Variants in PLSCR3 observed in about 807,000 individuals in gnomAD.
The protein encoded by PLSCR3 is PL scramblase 3.
In PLSCR3, 17 loss-of-function variants were observed where a neutral mutation model predicts 33.7. The observed-to-expected ratio is 0.50, with a 90% confidence interval of 0.35 to 0.76. The LOEUF is 0.76. Ranked by LOEUF, PLSCR3 falls within the 30% of genes least tolerant of loss-of-function variation. The pLI is 0.01. For synonymous variants in PLSCR3, 166 were observed against 166.0 expected (o/e 1.00, Z 0.00); for missense variants, 360 against 394.1 (o/e 0.91, Z 0.73).
chr17:7,392,560 C>T (rs1331724098), intron 6 of PLSCR3, among the ~76,000 whole-genome samples: 1 of 152,176 alleles, frequency 6.6e-6, no homozygotes, highest in African/African-American at 2.4e-5. Flanking sequence ...CATCTCAGGG[C>T]CACTTGTAAT....
chr17:7,392,222 C>T (rs1277008554), intron 6 of PLSCR3, among the ~76,000 whole-genome samples: 1 of 152,114 alleles, frequency 6.6e-6, no homozygotes, highest in African/African-American at 2.4e-5. Flanking sequence ...AAAAAGAACT[C>T]AAGGGTCTGT....
chr17:7,390,327 G>T lies in PLSCR3; in HGVS notation c.*58C>A. ...GGGGCTGCCCAGAGGAGGGGCCAGG[G>T]CAGGTGACCATCTGGAGTTCTGGTC... On this transcript the variant is annotated 3_prime_UTR_variant, in exon 8 of 8. Coordinates refer to ENST00000619711, the MANE Select transcript of PLSCR3 (RefSeq NM_020360.4). 1.5e-6 allele frequency: 2 copies of T among 1,328,066 alleles called. No homozygotes were observed. The highest frequency in any genetic ancestry group is 2.2e-5 in the Admixed American group (1 of 46,352). 82.3% of individuals were successfully genotyped at this position (1,328,066 alleles called of 1,614,324 possible).
In PLSCR3 at chr17:7,393,137, C is replaced by T. The variant is rs996545813; in HGVS notation, c.507+7G>A. 4 of 1,452,246 alleles carry T rather than the reference C, an allele frequency of 2.8e-6. No individual in the cohort carries two copies. Among genetic ancestry groups the T allele is most frequent in the South Asian group, 2.9e-5 (2 of 69,666 alleles). 90.0% of individuals were successfully genotyped at this position (1,452,246 alleles called of 1,614,324 possible). A position where few individuals can be genotyped will look rare whatever the true frequency, so the allele number is the denominator to read the frequency against. On this transcript the variant is annotated splice_region_variant and intron_variant, in intron 5 of 7. Transcript: ENST00000619711. ...GCCCGCCCTCCCGGCCCCCTCCCTC[C>T]GCCCACCTCCTGGAGGCCACAGGGG...
Position 7,391,632 on chromosome 17 carries a change from A to G in PLSCR3, c.670-837T>C, listed in dbSNP as rs1905704810. ...CCATGGTCCTAAGGGTACAGCCCCA[A>G]GTATGGACCATTTATAATTATGCAA... On this transcript the variant is annotated intron_variant, in intron 6 of 7. Coordinates refer to ENST00000619711, the MANE Select transcript of PLSCR3 (RefSeq NM_020360.4). This position sits in a 1 kb window ranked among gnomAD's most constrained non-coding sequence, Gnocchi z 4.1. 6.6e-6 allele frequency among the ~76,000 whole-genome samples: 1 copy of G among 152,216 alleles called. No homozygotes were observed. Among genetic ancestry groups the G allele is most frequent in the Non-Finnish European group, 1.5e-5 (1 of 68,040 alleles).
chr17:7,392,842 T>G lies in PLSCR3; in HGVS notation c.618A>C (p.Arg206=). 6.2e-7 allele frequency: 1 copy of G among 1,614,064 alleles called. No individual in the cohort carries two copies. Among genetic ancestry groups the G allele is most frequent in the Non-Finnish European group, 8.5e-7 (1 of 1,180,020 alleles). The change falls in exon 6 of 8, where the codon CGA becomes CGC. Residue 206 remains arginine (R), a synonymous_variant. Coordinates refer to ENST00000619711, the MANE Select transcript of PLSCR3 (RefSeq NM_020360.4). ...IQDADRQTVL[R]VVGPCWTCGC... is the part of the protein sequence containing the mutation. The stretch of plus-strand genomic sequence containing the variant: ...CACAGGTCCAGCAGGGCCCCACCAC[T>G]CGCAAGACTGTCTGGCGATCGGCAT...
Position 7,393,856 on chromosome 17 carries a change from G to T in PLSCR3, c.8-20C>A. ...AGTAGCCTGTAAAGCGGTGGGAGCA[G>T]GATAGATTAGAAAGGGACTCAAGGC... On this transcript the variant is annotated intron_variant, in intron 2 of 7. Coordinates refer to ENST00000619711, the MANE Select transcript of PLSCR3 (RefSeq NM_020360.4). The T allele has an allele frequency of 1.4e-6, 2 of 1,399,296 alleles. No individual in the cohort carries two copies. Among genetic ancestry groups the T allele is most frequent in the Non-Finnish European group, 1.9e-6 (2 of 1,034,660 alleles). The allele number at this position is 1,399,296 out of a possible 1,614,324, so 86.7% of individuals were successfully genotyped here.
Position 7,393,760 on chromosome 17 carries a change from C to T in PLSCR3, c.84G>A (p.Ala28=). 6.6e-7 allele frequency: 1 copy of T among 1,509,324 alleles called. No homozygotes were observed. Among genetic ancestry groups the T allele is most frequent in the Non-Finnish European group, 8.8e-7 (1 of 1,140,744 alleles). The allele number at this position is 1,509,324 out of a possible 1,614,324, so 93.5% of individuals were successfully genotyped here. The change falls in exon 3 of 8, where the codon GCG becomes GCA. Residue 28 remains alanine, a synonymous_variant. Transcript: ENST00000619711. ...GCGCCTGCCCGGGCCCAGGATGTAG[C>T]GCCGGCTCCGGGTACCCAGGGGTGA... ...YPVTPGYPEP[A]LHPGPGQAPV... is the part of the protein sequence containing the mutation.
chr17:7,390,125 G>A lies in PLSCR3; in HGVS notation c.*260C>T. The A allele has an allele frequency of 4.7e-6, 2 of 421,858 alleles. No individual in the cohort carries two copies. Among genetic ancestry groups the A allele is most frequent in the Non-Finnish European group, 8.6e-6 (2 of 233,722 alleles). 26.1% of individuals were successfully genotyped at this position (421,858 alleles called of 1,614,324 possible). Reference sequence around the variant, plus strand: ...GGAAGGGGGTGGGAGAGAGTGCATGGGGAAAGTGTGAAAGCTGATATGCCT... The same window carrying A: ...GGAAGGGGGTGGGAGAGAGTGCATGAGGAAAGTGTGAAAGCTGATATGCCT... On this transcript the variant is annotated 3_prime_UTR_variant, in exon 8 of 8. Coordinates refer to ENST00000619711, the MANE Select transcript of PLSCR3 (RefSeq NM_020360.4).
rs1226831491 is a variant in PLSCR3, at chr17:7,391,604, C to T, written c.670-809G>A. ...CTGTCCTACAGCTCTGGGGCACTTC[C>T]TGCCATGGTCCTAAGGGTACAGCCC... On this transcript the variant is annotated intron_variant, in intron 6 of 7. Transcript: ENST00000619711. The surrounding 1 kb of genome is among the most constrained non-coding windows in gnomAD (Gnocchi z 4.1). Among the ~76,000 whole-genome samples, 1 of 152,240 alleles carries T rather than the reference C, an allele frequency of 6.6e-6. No homozygotes were observed. The highest frequency in any genetic ancestry group is 2.4e-5 in the African/African-American group (1 of 41,464).
rs1264413546 is a variant in PLSCR3 at position 7,393,199 on chromosome 17, C to T, written c.452G>A (p.Arg151His). 7.4e-6 allele frequency: 11 copies of T among 1,481,436 alleles called. No homozygotes were observed. The highest frequency in any genetic ancestry group is 3.5e-5 in the South Asian group (3 of 84,708). The allele number at this position is 1,481,436 out of a possible 1,614,324, so 91.8% of individuals were successfully genotyped here. Reference protein sequence around the residue: ...LADPGDREVLRLLRPLHCGCS... With the variant: ...LADPGDREVLHLLRPLHCGCS... ...GCCACAGTGCAGCGGGCGGAGCAAA[C>T]GCAGCACCTCACGGTCCCCGGGGTC... The change falls in exon 5 of 8, where the codon CGT becomes CAT. Residue 151 changes from arginine to histidine, a missense_variant. Arg to His is a conservative substitution (Grantham distance 29). Transcript: ENST00000619711.
chr17:7,393,984 C>T (rs962864381), intron 2 of PLSCR3, 120 bp downstream of exon 2: 2 of 1,268,314 alleles, frequency 1.6e-6, no homozygotes, highest in African/African-American at 1.5e-5. Context: ...GGAGGTTCCC[C>T]GGAAGGAAGG....
At position 7,394,070 on chromosome 17, in the gene PLSCR3, G is replaced by A. The variant is rs571939503; in HGVS notation, c.7+34C>T. ...ACCCGGCTCCCAAGTCCGTGGGGGGGATAACGGAGACCCCCAGACTTGCGC... is the reference window on the plus strand; with the variant it reads ...ACCCGGCTCCCAAGTCCGTGGGGGGAATAACGGAGACCCCCAGACTTGCGC... On this transcript the variant is annotated intron_variant, in intron 2 of 7. Transcript: ENST00000619711. This position sits in a 1 kb window ranked among gnomAD's most constrained non-coding sequence, Gnocchi z 5.3. 2.5e-5 allele frequency: 41 copies of A among 1,610,748 alleles called. No individual in the cohort carries two copies. In the African/African-American group the frequency reaches 5.2e-4, roughly 20 times the overall value.
At position 7,390,256 on chromosome 17, in the gene PLSCR3, A is replaced by G. The variant is rs537146529; in HGVS notation, c.*129T>C. The G allele has an allele frequency of 6.0e-5, 39 of 649,168 alleles. No homozygotes were observed. In the East Asian group the frequency reaches 1.1e-3, roughly 18 times the overall value. 40.2% of individuals were successfully genotyped at this position (649,168 alleles called of 1,614,324 possible). ...GGGGCAGGCGGCCAGGGAGTAGGGT[A>G]GGGATGGGGCCCCCCTTCTGTCCCC... On this transcript the variant is annotated 3_prime_UTR_variant, in exon 8 of 8. Transcript: ENST00000619711.
intron 7 of PLSCR3, 38 bp from the exon 8 acceptor site, chr17:7,390,479 G>T (rs755683283): frequency 3.8e-6 from 6 of 1,581,502 alleles, no homozygotes; most frequent in Admixed American, 3.5e-5. Flanking sequence ...ATCCGGCTGG[G>T]CCAGCCCAGC....
rs1905978703 is a variant in PLSCR3, at chr17:7,394,081, C to A, written c.7+23G>T. On this transcript the variant is annotated intron_variant, in intron 2 of 7. Transcript: ENST00000619711. This position sits in a 1 kb window ranked among gnomAD's most constrained non-coding sequence, Gnocchi z 5.3. Reference sequence around the variant, plus strand: ...AAGTCCGTGGGGGGGATAACGGAGACCCCCAGACTTGCGCGCACTTACCTG... The same window carrying A: ...AAGTCCGTGGGGGGGATAACGGAGAACCCCAGACTTGCGCGCACTTACCTG... 1 of 1,612,082 alleles carries A rather than the reference C, an allele frequency of 6.2e-7. No individual in the cohort carries two copies. Among genetic ancestry groups the A allele is most frequent in the South Asian group, 1.1e-5 (1 of 90,848 alleles).
In PLSCR3 at chr17:7,393,509, T is replaced by C; in HGVS notation, c.244A>G (p.Ile82Val). ...TTCTGGTGAATCAAAATCTGATCAATCTGGAAAGAGAGGGGCGGCGCGCAC... is the reference window on the plus strand; with the variant it reads ...TTCTGGTGAATCAAAATCTGATCAACCTGGAAAGAGAGGGGCGGCGCGCAC... ...VPSGLEFLVQ[I>V]DQILIHQKAE... The change falls in exon 4 of 8, where the codon ATT (isoleucine) becomes GTT (valine). Residue 82 changes from isoleucine to valine, a missense_variant and splice_region_variant. Ile to Val is a conservative substitution (Grantham distance 29). Coordinates refer to ENST00000619711, the MANE Select transcript of PLSCR3 (RefSeq NM_020360.4). 1 of 1,614,050 alleles carries C rather than the reference T, an allele frequency of 6.2e-7. No homozygotes were observed. Among genetic ancestry groups the C allele is most frequent in the Non-Finnish European group, 8.5e-7 (1 of 1,180,004 alleles).
In PLSCR3 at chr17:7,391,567, C is replaced by A. The variant is rs985721217; in HGVS notation, c.670-772G>T. On this transcript the variant is annotated intron_variant, in intron 6 of 7. Transcript: ENST00000619711. This position sits in a 1 kb window ranked among gnomAD's most constrained non-coding sequence, Gnocchi z 4.1. ...TGATTTCCTTTTGTGCCATTCCCAT[C>A]CCCTTCCTGCACTGTCCTACAGCTC... Among the ~76,000 whole-genome samples the A allele has an allele frequency of 1.3e-5, 2 of 152,242 alleles. No individual in the cohort carries two copies. The highest frequency in any genetic ancestry group is 1.3e-4 in the Admixed American group (2 of 15,282).
rs1470019848 is a variant in PLSCR3 at position 7,393,496 on chromosome 17, A to G, written c.257T>C (p.Leu86Ser). The G allele has an allele frequency of 3.1e-6, 5 of 1,614,016 alleles. No homozygotes were observed. In the Admixed American group the frequency reaches 8.3e-5, roughly 27 times the overall value. Reference sequence around the variant, plus strand: ...CACTCGCTCAGCCTTCTGGTGAATCAAAATCTGATCAATCTGGAAAGAGAG... The same window carrying G: ...CACTCGCTCAGCCTTCTGGTGAATCGAAATCTGATCAATCTGGAAAGAGAG... The part of the protein sequence containing the change: ...LEFLVQIDQI[L>S]IHQKAERVET... The change falls in exon 4 of 8, where the codon TTG becomes TCG. Residue 86 changes from leucine to serine, a missense_variant. Transcript: ENST00000619711.
At chr17:7,390,874 C>T (rs1018065814) in intron 6 of PLSCR3, 79 bp from the exon 7 acceptor site, 14 of 1,456,098 alleles carry the variant, frequency 9.6e-6, no homozygotes, top group East Asian at 9.1e-5. Context: ...TTCCCACAGT[C>T]GCACGTATGA....
Sources: gnomAD v4.1 joint callset for allele counts (sites outside exome capture counted in the v4.1 genomes callset) on GRCh38, gnomAD v4.1.1 for gene constraint, Gnocchi (gnomAD v3.1) non-coding constraint, MANE v1.5 for transcripts, NCBI Gene and HGNC (gene_info 2026-07-23, HGNC 2026-07-21) for gene names.